Variants in ERBB4 observed in about 807,000 individuals in gnomAD.
The protein encoded by ERBB4 is erb-b2 receptor tyrosine kinase 4.
Under a neutral mutation model 158.0 loss-of-function variants are expected in ERBB4, and 42 were observed. The observed-to-expected ratio is 0.27, with a 90% CI of 0.21 to 0.34. The LOEUF is 0.34. Among genes scored for constraint, ERBB4 ranks in the 10% least tolerant of loss-of-function variants. The pLI is 1.00. For missense variants in ERBB4, 1,333 were observed against 1,624.1 expected, an observed-to-expected ratio of 0.82 and a Z score of 3.08; for synonymous variants, 583 against 558.7, an observed-to-expected ratio of 1.04 and a Z score of -0.61.
Position 211,964,940 on chromosome 2 carries a change from T to C in ERBB4, c.235-17324A>G, listed in dbSNP as rs1350078187. On this transcript the variant is annotated intron_variant, in intron 2 of 27. Transcript: ENST00000342788. ...ACTGTGCTCACTGTTCTTTTTTACT[T>C]AGAATATAAAATTTAATGTTATTAT... is the stretch of plus-strand genomic sequence containing the variant. Among the ~76,000 whole-genome samples the C allele has an allele frequency of 8.5e-5, 13 of 152,176 alleles. 1 individual carries two copies.
intron 3 of ERBB4, among the ~76,000 whole-genome samples, chr2:211,817,657 C>A (rs543233796): frequency 6.6e-6 from 1 of 152,158 alleles, no homozygotes; most frequent in South Asian, 2.1e-4. Context: ...GGCAGTATTC[C>A]CTCCTTGCAG....
At chr2:211,481,874 CTT>C in intron 20 of ERBB4, among the ~76,000 whole-genome samples, 1 of 152,084 alleles carries the variant, frequency 6.6e-6, no homozygotes, top group East Asian at 1.9e-4. Context: ...TAAAAAACAA[CTT>C]AAAAAACTGG....
chr2:211,453,254 A>C (rs938811281), intron 20 of ERBB4, among the ~76,000 whole-genome samples: 4 of 152,226 alleles, frequency 2.6e-5, no homozygotes, highest in Non-Finnish European at 4.4e-5. Flanking sequence ...AATTAAATTC[A>C]TGTCTTTAAA....
chr2:212,072,806 G>T (rs1332814126), intron 2 of ERBB4, among the ~76,000 whole-genome samples: 1 of 151,968 alleles, frequency 6.6e-6, no homozygotes, highest in East Asian at 1.9e-4. Flanking sequence ...GAAAAAGTAA[G>T]CCCCTGTTTC....
chr2:212,498,070 C>G (rs1028479137), intron 1 of ERBB4, among the ~76,000 whole-genome samples: 16 of 145,370 alleles, frequency 1.1e-4, no homozygotes, highest in African/African-American at 3.4e-4. Context: ...ACATTTTCAT[C>G]CTACAGGGAA....
At chr2:212,110,216 C>T (rs1168352624) in intron 2 of ERBB4, among the ~76,000 whole-genome samples, 10 of 152,188 alleles carry the variant, frequency 6.6e-5, no homozygotes, top group Non-Finnish European at 1.5e-4. Context: ...AAAATCTAAG[C>T]TATTTGGAAA....
chr2:212,372,434 C>G (rs1013036527), intron 1 of ERBB4, among the ~76,000 whole-genome samples: 2 of 152,100 alleles, frequency 1.3e-5, no homozygotes, highest in African/African-American at 4.8e-5. Context: ...GCTTCCTTTG[C>G]CTAGCTCTGA....
At chr2:211,631,525 T>C (rs2070132050) in intron 16 of ERBB4, among the ~76,000 whole-genome samples, 2 of 152,316 alleles carry the variant, frequency 1.3e-5, no homozygotes, top group South Asian at 2.1e-4. Flanking sequence ...AAGAGATTGA[T>C]TGGAAATCTT....
At chr2:212,381,472 A>C (rs1438800763) in intron 1 of ERBB4, among the ~76,000 whole-genome samples, 2 of 151,480 alleles carry the variant, frequency 1.3e-5, no homozygotes, top group Admixed American at 6.6e-5. Context: ...TATTACATGT[A>C]TATGTGTAGT....
intron 1 of ERBB4, among the ~76,000 whole-genome samples, chr2:212,462,893 A>G (rs893432818): frequency 1.3e-5 from 2 of 152,176 alleles, no homozygotes; most frequent in African/African-American, 4.8e-5. Flanking sequence ...GGAATATGGT[A>G]TTTATACACA....
intron 19 of ERBB4, among the ~76,000 whole-genome samples, chr2:211,581,942 G>A (rs774861800): frequency 6.6e-5 from 10 of 152,012 alleles, no homozygotes; most frequent in African/African-American, 1.2e-4. Context: ...CCCAGGAGGC[G>A]GAGGTTGCAG....
intron 19 of ERBB4, among the ~76,000 whole-genome samples, chr2:211,579,013 C>A (rs988014973): frequency 1.3e-5 from 2 of 152,008 alleles, no homozygotes; most frequent in African/African-American, 4.8e-5. Context: ...AGCAAACAGG[C>A]AACCTAGAGA....
intron 1 of ERBB4, among the ~76,000 whole-genome samples, chr2:212,537,574 CT>C (rs886834114): frequency 2.0e-5 from 3 of 152,084 alleles, no homozygotes; most frequent in African/African-American, 7.2e-5. Flanking sequence ...GCCGCTGCCG[CT>C]TTCGCCTCGG....
At chr2:212,086,938 T>C (rs574593766) in intron 2 of ERBB4, among the ~76,000 whole-genome samples, 4 of 152,126 alleles carry the variant, frequency 2.6e-5, no homozygotes, top group Admixed American at 2.6e-4. Context: ...ACTGGGAGGC[T>C]TCCAACAGTT....
intron 1 of ERBB4, among the ~76,000 whole-genome samples, chr2:212,529,988 C>G (rs1351592): frequency 0.29 from 43,666 of 151,976 alleles, 8,448 homozygotes; most frequent in African/African-American, 0.56. Flanking sequence ...TGTTAACAGA[C>G]TCTATGATGG....
intron 20 of ERBB4, among the ~76,000 whole-genome samples, chr2:211,463,758 C>T (rs141054001): frequency 1.1e-4 from 16 of 152,158 alleles, no homozygotes; most frequent in African/African-American, 3.1e-4. Context: ...GTTGGATGGT[C>T]GCTCTATCAA....
intron 1 of ERBB4, among the ~76,000 whole-genome samples, chr2:212,432,156 G>C (rs1364318084): frequency 6.6e-6 from 1 of 152,132 alleles, no homozygotes. Context: ...ATCACCTTGA[G>C]GGATGGCCTT....
At chr2:212,034,061 T>A (rs561208698) in intron 2 of ERBB4, among the ~76,000 whole-genome samples, 1 of 152,040 alleles carries the variant, frequency 6.6e-6, no homozygotes, top group African/African-American at 2.4e-5. Context: ...TTCTTGTCTC[T>A]TAAAATCAGT....
At chr2:211,389,134 C>G (rs2062748384) in intron 25 of ERBB4, among the ~76,000 whole-genome samples, 1 of 152,174 alleles carries the variant, frequency 6.6e-6, no homozygotes, top group African/African-American at 2.4e-5. Context: ...CTCCCGGGTT[C>G]ACGCCATTCC....
Sources: gnomAD v4.1 joint callset for allele counts (sites outside exome capture counted in the v4.1 genomes callset) on GRCh38, gnomAD v4.1.1 for gene constraint, MANE v1.5 for transcripts, NCBI Gene and HGNC (gene_info 2026-07-23, HGNC 2026-07-21) for gene names.